The following RHBDF1 variants were observed in gnomAD, a reference collection of about 807,000 sequenced individuals.
RHBDF1 encodes inactive rhomboid protein 1.
Under a neutral mutation model 98.6 loss-of-function variants are expected in RHBDF1, and 80 were observed. That is an observed-to-expected ratio of 0.81 (90% CI 0.68 to 0.98). The LOEUF (loss-of-function observed/expected upper bound fraction) is 0.98, where lower values mean the gene tolerates loss of function less well. RHBDF1 is among the 50% of genes least tolerant of loss of function. The pLI is 0.00. For synonymous variants in RHBDF1, 512 were observed against 486.8 expected (o/e 1.05, Z -0.68); for missense variants, 1,116 against 1,198.3 (o/e 0.93, Z 1.01).
chr16:65,049 AT>A lies in RHBDF1; in HGVS notation c.-24-11del. ...GCAGAGCAAGGCAGGCCTGCGGGGC[AT>A]GGTGTGTTATTCAATAATGACAAAG... is the stretch of plus-strand genomic sequence containing the variant. On this transcript the variant is annotated splice_polypyrimidine_tract_variant and intron_variant, in intron 1 of 17. Transcript: ENST00000262316. 6.7e-7 allele frequency: 1 copy of A among 1,494,556 alleles called. No individual in the cohort carries two copies. The highest frequency in any genetic ancestry group is 8.9e-7 in the Non-Finnish European group (1 of 1,125,968). 92.6% of individuals were successfully genotyped at this position (1,494,556 alleles called of 1,614,324 possible). A position where few individuals can be genotyped will look rare whatever the true frequency, so the allele number is the denominator to read the frequency against.
intron 7 of RHBDF1, 116 bp from the exon 8 acceptor site, chr16:62,168 C>T (rs1897658224): frequency 1.5e-6 from 2 of 1,344,438 alleles, no homozygotes; most frequent in African/African-American, 1.5e-5. Context: ...GCAAGTCGCC[C>T]GGCATCTGCC....
chr16:60,019 T>A (rs1024498101), intron 13 of RHBDF1, 193 bp from the exon 14 acceptor site: 4 of 1,474,672 alleles, frequency 2.7e-6, no homozygotes, highest in Non-Finnish European at 3.6e-6. Context: ...CAAGTCTCCA[T>A]CTAGTTCTCT....
chr16:64,501 A>C (rs1431567453), intron 3 of RHBDF1, 198 bp downstream of exon 3: 2 of 1,535,726 alleles, frequency 1.3e-6, no homozygotes, highest in Non-Finnish European at 1.8e-6. Context: ...TGCTGAAGAG[A>C]AGGGAGTGGA....
In RHBDF1 at chr16:61,365, G is replaced by A; in HGVS notation, c.1395+20C>T. 1 of 1,130,830 alleles carries A rather than the reference G, an allele frequency of 8.8e-7. No individual in the cohort carries two copies. The highest frequency in any genetic ancestry group is 3.5e-5 in the East Asian group (1 of 28,862). The allele number at this position is 1,130,830 out of a possible 1,614,324, so 70.0% of individuals were successfully genotyped here. On this transcript the variant is annotated intron_variant, in intron 10 of 17. Coordinates refer to ENST00000262316, the MANE Select transcript of RHBDF1 (RefSeq NM_022450.5). ...TCCAGGTCCCGCCCCCGCCGGCCCC[G>A]CCCCCAGCCCCGTCCTCACCGAGCT...
intron 7 of RHBDF1, 45 bp downstream of exon 7, chr16:62,493 C>T: frequency 6.3e-7 from 1 of 1,599,050 alleles, no homozygotes; most frequent in Non-Finnish European, 8.5e-7. Flanking sequence ...TCCTGACGGG[C>T]CCCGGGGTCT....
At chr16:72,190 G>C (rs1004951011) in intron 1 of RHBDF1, among the ~76,000 whole-genome samples, 8 of 152,350 alleles carry the variant, frequency 5.3e-5, no homozygotes, top group African/African-American at 1.9e-4. Flanking sequence ...GCTGTTGGGC[G>C]GGGGCTGGAG....
intron 3 of RHBDF1, chr16:64,080 G>A (rs1455184225): frequency 1.6e-5 from 10 of 635,040 alleles, no homozygotes; most frequent in South Asian, 1.8e-5. Flanking sequence ...GTTGAGGGGA[G>A]GCACTGAGTC....
At chr16:74,496 C>A (rs1457109194), upstream of RHBDF1, among the ~76,000 whole-genome samples, 1 of 152,176 alleles carries the variant, frequency 6.6e-6, no homozygotes, top group South Asian at 2.1e-4. Flanking sequence ...AAACCCCCCG[C>A]ACCCAGGAGT....
Position 60,499 on chromosome 16 carries a change from C to G in RHBDF1, c.1598G>C (p.Ser533Thr), listed in dbSNP as rs778420343. The G allele has an allele frequency of 3.5e-5, 56 of 1,611,140 alleles. No individual in the cohort carries two copies. The highest frequency in any genetic ancestry group is 4.5e-5 in the Non-Finnish European group (53 of 1,179,980). ...AVWVKWPIHP[S>T]APELAGHKRQ... Reference sequence around the variant, plus strand: ...CTTGTGGCCCGCAAGCTCTGGGGCGCTGGGATGGATGGGCCACTTCACCCA... The same window carrying G: ...CTTGTGGCCCGCAAGCTCTGGGGCGGTGGGATGGATGGGCCACTTCACCCA... The change falls in exon 12 of 18, where the codon AGC (serine) becomes ACC (threonine). Residue 533 changes from serine (S) to threonine (T), a missense_variant. Ser to Thr is a moderately conservative substitution (Grantham distance 58). Transcript: ENST00000262316.
rs762900465 is a variant in RHBDF1, at chr16:64,801, C to T, written c.146G>A (p.Ser49Asn). 8 of 1,613,974 alleles carry T rather than the reference C, an allele frequency of 5.0e-6. No individual in the cohort carries two copies. The African/African-American group carries it at 1.1e-4, about 22-fold the overall frequency. The change falls in exon 3 of 18, where the codon AGT becomes AAT. Residue 49 changes from serine (S) to asparagine (N), a missense_variant. Transcript: ENST00000262316. ...GGCTGTCTCGGCTGGCATACTCACA[C>T]TCCTCAGGAAAGCCTGTCGCCTCAG... is the stretch of plus-strand genomic sequence containing the variant. ...QPLRRQAFLRSVSMPAETAHI... is the reference protein window; with the variant it reads ...QPLRRQAFLRNVSMPAETAHI...
Position 61,436 on chromosome 16 carries a change from G to C in RHBDF1, c.1344C>G (p.Tyr448Ter). The change falls in exon 10 of 18, where the codon TAC becomes TAG. Residue 448 changes from tyrosine (Y) to a stop codon, truncating the protein, a stop_gained. Coordinates refer to ENST00000262316, the MANE Select transcript of RHBDF1 (RefSeq NM_022450.5). LOFTEE classifies it high-confidence loss of function. Reference protein sequence around the residue: ...VDSVLRNRGVYENVKYVQQEN... With the variant: ...VDSVLRNRGV ...CCTGCTGCACGTACTTGACGTTCTC[G>C]TAGACCCCGCGGTTCCGCAGCACCT... 6.2e-7 allele frequency: 1 copy of C among 1,612,480 alleles called. No individual in the cohort carries two copies. The highest frequency in any genetic ancestry group is 8.5e-7 in the Non-Finnish European group (1 of 1,179,824).
rs1243931162 is a variant in RHBDF1 at position 72,439 on chromosome 16, C to A, written c.-25+74G>T. On this transcript the variant is annotated intron_variant, in intron 1 of 17. Transcript: ENST00000262316. The stretch of plus-strand genomic sequence containing the variant: ...GCTCCGGCCCCGGGTGCTGAGGACT[C>A]GCCCCGCCCTCCGGACGCAGCCCCG... 30 of 617,590 alleles carry A rather than the reference C, an allele frequency of 4.9e-5. No individual in the cohort carries two copies. The African/African-American group carries it at 2.5e-3, about 51-fold the overall frequency. 38.3% of individuals were successfully genotyped at this position (617,590 alleles called of 1,614,324 possible).
intron 1 of RHBDF1, among the ~76,000 whole-genome samples, chr16:68,565 C>A (rs1000610570): frequency 6.6e-6 from 1 of 152,242 alleles, no homozygotes; most frequent in Admixed American, 6.5e-5. Context: ...TGGGGTCACA[C>A]AGCATCTGAG....
At chr16:70,466 C>A (rs1379957728) in intron 1 of RHBDF1, among the ~76,000 whole-genome samples, 1 of 152,196 alleles carries the variant, frequency 6.6e-6, no homozygotes, top group Non-Finnish European at 1.5e-5. Context: ...AACCCTGCAA[C>A]CCCCTCCCAG....
intron 1 of RHBDF1, among the ~76,000 whole-genome samples, chr16:68,532 G>A (rs1259745657): frequency 6.6e-6 from 1 of 152,230 alleles, no homozygotes; most frequent in Admixed American, 6.5e-5. Context: ...GGGAAACCGT[G>A]GCCCACGGAA....
rs1463666426 is a variant in RHBDF1 at position 72,582 on chromosome 16, GCCCGCGCCGAGTCCC to G, written c.-109_-95del. 2 of 830,512 alleles carry G rather than the reference GCCCGCGCCGAGTCCC, an allele frequency of 2.4e-6. No homozygotes were observed. The highest frequency in any genetic ancestry group is 2.8e-4 in the East Asian group (1 of 3,632). The allele number at this position is 830,512 out of a possible 1,614,324, so 51.4% of individuals were successfully genotyped here. A position where few individuals can be genotyped will look rare whatever the true frequency, so the allele number is the denominator to read the frequency against. On this transcript the variant is annotated 5_prime_UTR_variant, in exon 1 of 18. Coordinates refer to ENST00000262316, the MANE Select transcript of RHBDF1 (RefSeq NM_022450.5). ...GAGGCTGCCGCCGCTGGCCGGGAGGGCCCGCGCCGAGTCCCCGCCCGCCCGCCGGTCCGGCCCGCC... is the reference window on the plus strand; with the variant it reads ...GAGGCTGCCGCCGCTGGCCGGGAGGGCGCCCGCCCGCCGGTCCGGCCCGCC...
Position 58,988 on chromosome 16 carries a change from G to A in RHBDF1, c.2134C>T (p.Pro712Ser). ...GCCAGCCTTACCTCTGCTCGGTATG[G>A]CAGGAAGATGGCACTGGCCAGGTTG... ...TGNLASAIFL[P>S]YRAEVGPAGS... Residue 712 changes from proline (P) to serine (S), a missense_variant, in exon 17 of 18, where the codon CCA (proline) becomes TCA (serine). Coordinates refer to ENST00000262316, the MANE Select transcript of RHBDF1 (RefSeq NM_022450.5). 6.2e-7 allele frequency: 1 copy of A among 1,613,106 alleles called. No homozygotes were observed. The highest frequency in any genetic ancestry group is 1.1e-5 in the South Asian group (1 of 91,072).
At chr16:73,878 A>T (rs1287694404), upstream of RHBDF1, 36 of 950,556 alleles carry the variant, frequency 3.8e-5, no homozygotes, top group Non-Finnish European at 3.8e-5. Flanking sequence ...GGCTAGACAG[A>T]AAAGGGGAGA....
At chr16:72,411 G>T in intron 1 of RHBDF1, 102 bp downstream of exon 1, 1 of 551,940 alleles carries the variant, frequency 1.8e-6, no homozygotes, top group Non-Finnish European at 2.3e-6. Flanking sequence ...GCCGCTCTGA[G>T]CAGCTCCGGC....
Sources: allele counts gnomAD v4.1 joint callset (sites outside exome capture counted in the v4.1 genomes callset), GRCh38; gene constraint gnomAD v4.1.1; transcripts MANE v1.5; gene names NCBI Gene and HGNC (gene_info 2026-07-23, HGNC 2026-07-21).